Variants in ALMS1 observed in about 807,000 individuals in gnomAD.
ALMS1 encodes centrosome-associated protein ALMS1.
ALMS1 carries 271 observed loss-of-function variants against 352.2 expected under a neutral mutation model. That is an observed-to-expected ratio of 0.77 (90% CI 0.70 to 0.85). The LOEUF (loss-of-function observed/expected upper bound fraction) is 0.85. Among genes scored for constraint, ALMS1 ranks in the 40% least tolerant of loss-of-function variants. The probability of loss-of-function intolerance (pLI) is 0.00; values close to 1 mark genes in which losing one functional copy is unlikely to be tolerated. For synonymous variants in ALMS1, 1,865 were observed against 1,761.2 expected (o/e 1.06, Z -1.48); for missense variants, 5,445 against 4,870.7 (o/e 1.12, Z -3.51).
In ALMS1 at chr2:73,602,223, C is replaced by T; in HGVS notation, c.12153C>T (p.Arg4051=). The change falls in exon 20 of 23, where the codon CGC becomes CGT. Residue 4051 remains arginine, a synonymous_variant. Coordinates refer to ENST00000613296, the MANE Select transcript of ALMS1 (RefSeq NM_001378454.1). The part of the protein sequence containing the change: ...LQFHRPDFIS[R]SGERIKRLKL... ...TTCACAGACCTGACTTCATCTCCCG[C>T]TCTGGGGAGCGGATAAAGCGCCTGA... The T allele has an allele frequency of 6.2e-7, 1 of 1,614,102 alleles. No homozygotes were observed. Among genetic ancestry groups the T allele is most frequent in the South Asian group, 1.1e-5 (1 of 91,082 alleles).
rs1182669241 is a variant in ALMS1, at chr2:73,572,301, C to G, written c.10424C>G (p.Ser3475Cys). Reference sequence around the variant, plus strand: ...TCAGAATTTGAAAATACTACCCGTTCTGTCTTCAGGTCAGCAAAGTTTTAC... The same window carrying G: ...TCAGAATTTGAAAATACTACCCGTTGTGTCTTCAGGTCAGCAAAGTTTTAC... ...CHSEFENTTR[S>C]VFRSAKFYIH... Residue 3475 changes from serine to cysteine, a missense_variant, in exon 16 of 23, where the codon TCT becomes TGT. Transcript: ENST00000613296. 1 of 1,608,178 alleles carries G rather than the reference C, an allele frequency of 6.2e-7. No individual in the cohort carries two copies. Among genetic ancestry groups the G allele is most frequent in the Non-Finnish European group, 8.5e-7 (1 of 1,178,186 alleles).
chr2:73,432,334 C>A (rs1671516805), intron 7 of ALMS1, 43 bp downstream of exon 7: 6 of 1,421,930 alleles, frequency 4.2e-6, no homozygotes, highest in South Asian at 2.3e-5. Flanking sequence ...CTTACGGATA[C>A]CTTGTGAAAA....
In ALMS1 at chr2:73,534,898, C is replaced by G. The variant is rs762224373; in HGVS notation, c.9856C>G (p.Pro3286Ala). ...MYYVPQLRQI[P>A]PSPDSKSDTT... ...TTATGTTCCACAATTAAGACAAATT[C>G]CTCCATCTCCGGATTCCAAATCAGA... The change falls in exon 12 of 23, where the codon CCT (proline) becomes GCT (alanine). Residue 3286 changes from proline (P) to alanine (A), a missense_variant. Physicochemically the swap from Pro to Ala is conservative, Grantham distance 27. Coordinates refer to ENST00000613296, the MANE Select transcript of ALMS1 (RefSeq NM_001378454.1). 1 of 1,613,726 alleles carries G rather than the reference C, an allele frequency of 6.2e-7. No homozygotes were observed. The highest frequency in any genetic ancestry group is 8.5e-7 in the Non-Finnish European group (1 of 1,179,756).
In ALMS1 at chr2:73,572,886, G is replaced by T; in HGVS notation, c.11009G>T (p.Arg3670Ile). ...VKEWSGRQQQ[R>I]NKLQKKKRFK... ...GAATGGAGTGGTAGACAACAGCAGA[G>T]AAATAAGCTTCAGAAAAAGAAGCGG... is the stretch of plus-strand genomic sequence containing the variant. Residue 3670 changes from arginine (R) to isoleucine (I), a missense_variant, in exon 16 of 23, where the codon AGA becomes ATA. Physicochemically the swap from Arg to Ile is moderately conservative, Grantham distance 97. Transcript: ENST00000613296. 6.2e-7 allele frequency: 1 copy of T among 1,613,982 alleles called. No individual in the cohort carries two copies. The highest frequency in any genetic ancestry group is 8.5e-7 in the Non-Finnish European group (1 of 1,179,986).
chr2:73,469,682 A>G (rs1035782659), intron 9 of ALMS1: 15 of 152,018 alleles, frequency 9.9e-5, no homozygotes, highest in African/African-American at 3.6e-4. Context: ...GGGCATGATA[A>G]TGACATTGTG....
intron 10 of ALMS1, 62 bp downstream of exon 10, chr2:73,491,560 T>G: frequency 6.4e-7 from 1 of 1,557,998 alleles, no homozygotes; most frequent in Non-Finnish European, 8.8e-7. Context: ...TTTCAAATAC[T>G]TAAGTAGATA....
chr2:73,446,165 A>C (rs1245826299), intron 7 of ALMS1, among the ~76,000 whole-genome samples: 1 of 151,988 alleles, frequency 6.6e-6, no homozygotes, highest in Admixed American at 6.6e-5. Context: ...TTCTTTACTA[A>C]TCTTTTCCTT....
At chr2:73,569,527 C>T (rs925600102) in intron 15 of ALMS1, among the ~76,000 whole-genome samples, 14 of 152,104 alleles carry the variant, frequency 9.2e-5, no homozygotes, top group African/African-American at 3.4e-4. Flanking sequence ...TCCTGAAATA[C>T]AGCCATAATT....
rs779815578 is a variant in ALMS1, at chr2:73,453,918, G to T, written c.7391G>T (p.Gly2464Val). The stretch of plus-strand genomic sequence containing the variant: ...ATAACAGATAGCAGGGAGGAAGAGG[G>T]TGTGTCAGAGAGTGAGGATGGTGGT... ...TSITDSREEE[G>V]VSESEDGGGS... is the part of the protein sequence containing the mutation. Residue 2464 changes from glycine to valine, a missense_variant, in exon 8 of 23, where the codon GGT becomes GTT. Physicochemically the swap from Gly to Val is moderately radical, Grantham distance 109. Transcript: ENST00000613296. 2.5e-6 allele frequency: 4 copies of T among 1,614,100 alleles called. No homozygotes were observed. Among genetic ancestry groups the T allele is most frequent in the Non-Finnish European group, 3.4e-6 (4 of 1,180,004 alleles).
rs1283479168 is a variant in ALMS1 at position 73,431,705 on chromosome 2, ACT to A, written c.1339-489_1339-488del. Among the ~76,000 whole-genome samples the A allele has an allele frequency of 2.6e-5, 4 of 152,034 alleles. No individual in the cohort carries two copies. In the East Asian group the frequency reaches 7.7e-4, roughly 29 times the overall value. On this transcript the variant is annotated intron_variant, in intron 6 of 22. Coordinates refer to ENST00000613296, the MANE Select transcript of ALMS1 (RefSeq NM_001378454.1). ...CCGATCACAGTTATAGTTCTTTGATACTCTCATTTTTCTTCTAAACATTTGTG... is the reference window on the plus strand; with the variant it reads ...CCGATCACAGTTATAGTTCTTTGATACTCATTTTTCTTCTAAACATTTGTG...
At chr2:73,483,131 C>G (rs1672750525) in intron 9 of ALMS1, among the ~76,000 whole-genome samples, 1 of 142,770 alleles carries the variant, frequency 7.0e-6, no homozygotes, top group African/African-American at 2.6e-5. Context: ...AATGTGTTTG[C>G]TCTTGCTTTT....
At chr2:73,479,251 T>A (rs1006991329) in intron 9 of ALMS1, among the ~76,000 whole-genome samples, 7 of 152,198 alleles carry the variant, frequency 4.6e-5, no homozygotes, top group African/African-American at 1.7e-4. Flanking sequence ...AGTGGTAACA[T>A]CTTGCATAAC....
At chr2:73,481,208 C>A (rs1483109323) in intron 9 of ALMS1, among the ~76,000 whole-genome samples, 4 of 152,118 alleles carry the variant, frequency 2.6e-5, no homozygotes, top group Admixed American at 2.6e-4. Flanking sequence ...TTATGGTTTT[C>A]AGTCTAACAT....
At position 73,452,559 on chromosome 2, in the gene ALMS1, T is replaced by C; in HGVS notation, c.6032T>C (p.Phe2011Ser). The C allele has an allele frequency of 6.2e-7, 1 of 1,614,036 alleles. No individual in the cohort carries two copies. Among genetic ancestry groups the C allele is most frequent in the South Asian group, 1.1e-5 (1 of 91,088 alleles). The change falls in exon 8 of 23, where the codon TTT becomes TCT. Residue 2011 changes from phenylalanine (F) to serine (S), a missense_variant. By Grantham distance (155) the Phe-to-Ser change is radical (BLOSUM62 -2). Transcript: ENST00000613296. Reference protein sequence around the residue: ...VHIPDDQKTEFPAATLSSYSQ... With the variant: ...VHIPDDQKTESPAATLSSYSQ... ...ATACCAGATGACCAGAAAACTGAGT[T>C]TCCAGCAGCTACCCTTAGTTCCTAC... is the stretch of plus-strand genomic sequence containing the variant.
intron 9 of ALMS1, among the ~76,000 whole-genome samples, chr2:73,463,107 C>T (rs1213367404): frequency 1.3e-5 from 2 of 152,296 alleles, no homozygotes; most frequent in East Asian, 3.9e-4. Context: ...CCAAGCAGAC[C>T]TAATAGACAT....
At chr2:73,598,100 T>C (rs1675590628) in intron 16 of ALMS1, among the ~76,000 whole-genome samples, 2 of 152,258 alleles carry the variant, frequency 1.3e-5, no homozygotes, top group Admixed American at 1.3e-4. Context: ...TTTGAAATTA[T>C]ATTTGGATAA....
intron 1 of ALMS1, among the ~76,000 whole-genome samples, chr2:73,397,320 A>C (rs1670783597): frequency 6.6e-6 from 1 of 150,798 alleles, no homozygotes; most frequent in African/African-American, 2.4e-5. Flanking sequence ...TTGGAACAAT[A>C]GTTTGCCCTT....
chr2:73,396,879 C>T (rs551124069), intron 1 of ALMS1, among the ~76,000 whole-genome samples: 10 of 152,144 alleles, frequency 6.6e-5, no homozygotes, highest in African/African-American at 1.7e-4. Context: ...CTCCTGACCT[C>T]GTGATCCACC....
chr2:73,554,652 G>A (rs1674506437), intron 13 of ALMS1, among the ~76,000 whole-genome samples: 1 of 152,172 alleles, frequency 6.6e-6, no homozygotes, highest in Non-Finnish European at 1.5e-5. Context: ...GGCGGAGCTT[G>A]CAGTGAGCCA....
Sources: allele counts gnomAD v4.1 joint callset (sites outside exome capture counted in the v4.1 genomes callset), GRCh38; gene constraint gnomAD v4.1.1; transcripts MANE v1.5; gene names NCBI Gene and HGNC (gene_info 2026-07-23, HGNC 2026-07-21).